The following RAPGEF6 variants were observed in gnomAD, a reference collection of about 807,000 sequenced individuals.
The protein encoded by RAPGEF6 is Rap guanine nucleotide exchange factor 6.
Under a neutral mutation model 171.4 loss-of-function variants are expected in RAPGEF6, and 56 were observed. The ratio of observed to expected loss-of-function variants is 0.33; its 90% CI spans 0.26 to 0.41. RAPGEF6 has a LOEUF of 0.41. Ranked by LOEUF, RAPGEF6 falls within the 10% of genes least tolerant of loss-of-function variation. RAPGEF6 has a pLI of 1.00. For missense variants in RAPGEF6, 1,674 were observed against 1,921.4 expected (o/e 0.87, Z 2.41); for synonymous variants, 692 against 650.1 (o/e 1.06, Z -0.98).
intron 6 of RAPGEF6, chr5:131,532,138 C>T (rs770719663): frequency 2.2e-6 from 1 of 453,196 alleles, no homozygotes; most frequent in South Asian, 1.6e-5. Flanking sequence ...GGCATAACAG[C>T]GAACAAGAAA....
intron 7 of RAPGEF6, among the ~76,000 whole-genome samples, chr5:131,517,172 CT>C (rs1758142928): frequency 6.6e-6 from 1 of 152,150 alleles, no homozygotes; most frequent in Admixed American, 6.5e-5. Flanking sequence ...ATTATGCTCA[CT>C]ATCTGGGTGA....
At chr5:131,485,668 C>A (rs1193225191) in intron 15 of RAPGEF6, among the ~76,000 whole-genome samples, 1 of 152,096 alleles carries the variant, frequency 6.6e-6, no homozygotes, top group Non-Finnish European at 1.5e-5. Context: ...TATTCTTCTG[C>A]GAATTGCCTG....
chr5:131,529,472 T>A (rs1759216195), intron 6 of RAPGEF6, among the ~76,000 whole-genome samples: 2 of 50,976 alleles, frequency 3.9e-5, no homozygotes, highest in African/African-American at 1.9e-4. Context: ...CGAGACTCTG[T>A]CAAAAAAAAA....
chr5:131,453,892 T>C (rs1753290900), intron 20 of RAPGEF6, among the ~76,000 whole-genome samples: 1 of 152,178 alleles, frequency 6.6e-6, no homozygotes, highest in Admixed American at 6.5e-5. Context: ...CAGAAAAACA[T>C]ATCTGAAGCC....
chr5:131,466,280 T>C (rs1754335506), intron 17 of RAPGEF6, among the ~76,000 whole-genome samples: 1 of 151,844 alleles, frequency 6.6e-6, no homozygotes, highest in Admixed American at 6.6e-5. Context: ...TCAAACTCTC[T>C]TTCCTCAATG....
At chr5:131,603,379 G>A in intron 2 of RAPGEF6, 52 bp from the exon 3 acceptor site, 1 of 1,241,022 alleles carries the variant, frequency 8.1e-7, no homozygotes. Context: ...TTTTAAAATT[G>A]TTATAATTTG....
chr5:131,483,348 C>CAAAAA (rs10637299), intron 15 of RAPGEF6, among the ~76,000 whole-genome samples: 2 of 121,956 alleles, frequency 1.6e-5, no homozygotes, highest in Non-Finnish European at 1.7e-5. Flanking sequence ...GACTCTGTCT[C>CAAAAA]AAAAAAAAAA....
Position 131,536,552 on chromosome 5 carries a change from C to T in RAPGEF6, c.495+11495G>A, listed in dbSNP as rs565763692. On this transcript the variant is annotated intron_variant, in intron 6 of 27. Coordinates refer to ENST00000509018, the MANE Select transcript of RAPGEF6 (RefSeq NM_016340.6). ...CATTTTTGTTGAAAATCTGTCACAG[C>T]CACCAGCTGGACACACATGCACTAT... Among the ~76,000 whole-genome samples, 7 of 152,198 alleles carry T rather than the reference C, an allele frequency of 4.6e-5. No individual in the cohort carries two copies. In the South Asian group the frequency reaches 1.5e-3, roughly 32 times the overall value.
In RAPGEF6 at chr5:131,633,500, C is replaced by G. The variant is rs143788157; in HGVS notation, c.69+1462G>C. 3.1e-3 allele frequency among the ~76,000 whole-genome samples: 476 copies of G among 152,194 alleles called. 2 individuals are homozygous for G. The highest frequency in any genetic ancestry group is 0.011 in the African/African-American group (451 of 41,544). On this transcript the variant is annotated intron_variant, in intron 1 of 27. Coordinates refer to ENST00000509018, the MANE Select transcript of RAPGEF6 (RefSeq NM_016340.6). ...ATTCCAGCACTTTGGGAGGCCAACGCGGGCAGATCACTTGAGGTCATGAGT... is the reference window on the plus strand; with the variant it reads ...ATTCCAGCACTTTGGGAGGCCAACGGGGGCAGATCACTTGAGGTCATGAGT...
chr5:131,571,801 T>A (rs1351686632), intron 4 of RAPGEF6, among the ~76,000 whole-genome samples: 1 of 152,166 alleles, frequency 6.6e-6, no homozygotes, highest in African/African-American at 2.4e-5. Context: ...TCCATACTGG[T>A]AAGTCCTCTG....
chr5:131,504,613 T>C lies in RAPGEF6; in HGVS notation c.1254+13A>G. The C allele has an allele frequency of 6.4e-7, 1 of 1,559,712 alleles. No homozygotes were observed. Among genetic ancestry groups the C allele is most frequent in the Non-Finnish European group, 8.6e-7 (1 of 1,159,276 alleles). ...TAAAATCAGTGACTAGAAAAATAAG[T>C]AAAAACACCCACCTTGATCACAATG... On this transcript the variant is annotated intron_variant, in intron 11 of 27. Coordinates refer to ENST00000509018, the MANE Select transcript of RAPGEF6 (RefSeq NM_016340.6).
chr5:131,594,217 T>C (rs75835193), intron 3 of RAPGEF6, among the ~76,000 whole-genome samples: 3,486 of 152,350 alleles, frequency 0.023, 66 homozygotes, highest in Middle Eastern at 0.14. Flanking sequence ...GCTGTTCTCA[T>C]GATAGTGAGC....
intron 11 of RAPGEF6, among the ~76,000 whole-genome samples, chr5:131,503,282 G>C (rs1018485607): frequency 5.3e-5 from 8 of 152,316 alleles, no homozygotes; most frequent in African/African-American, 1.9e-4. Context: ...CAAATGCAGT[G>C]AAAATATTAA....
intron 15 of RAPGEF6, among the ~76,000 whole-genome samples, chr5:131,483,595 A>T (rs778765255): frequency 1.1e-4 from 16 of 152,306 alleles, no homozygotes; most frequent in Non-Finnish European, 2.1e-4. Flanking sequence ...AATAAAACTG[A>T]CTACATAAAA....
intron 4 of RAPGEF6, among the ~76,000 whole-genome samples, chr5:131,583,830 A>G (rs1429059657): frequency 1.3e-5 from 2 of 152,208 alleles, no homozygotes; most frequent in African/African-American, 2.4e-5. Context: ...TCCTGTTAAC[A>G]TCCATGAGAG....
At chr5:131,515,804 A>C (rs1014811235) in intron 7 of RAPGEF6, among the ~76,000 whole-genome samples, 4 of 152,320 alleles carry the variant, frequency 2.6e-5, no homozygotes, top group African/African-American at 9.6e-5. Context: ...AATAACGTAC[A>C]TATGTGATGG....
At position 131,481,768 on chromosome 5, in the gene RAPGEF6, G is replaced by T. The variant is rs116196295; in HGVS notation, c.1841-2015C>A. 3.4e-3 allele frequency among the ~76,000 whole-genome samples: 511 copies of T among 152,292 alleles called. 4 individuals are homozygous for T. The highest frequency in any genetic ancestry group is 0.012 in the African/African-American group (498 of 41,566). On this transcript the variant is annotated intron_variant, in intron 15 of 27. Coordinates refer to ENST00000509018, the MANE Select transcript of RAPGEF6 (RefSeq NM_016340.6). ...AAGTCTGAATTACAGAGAAACAGTG[G>T]TTGCATATTCTTAGAATAGACTTAA...
At chr5:131,461,148 T>C (rs1278218426) in intron 19 of RAPGEF6, among the ~76,000 whole-genome samples, 1 of 152,230 alleles carries the variant, frequency 6.6e-6, no homozygotes, top group Non-Finnish European at 1.5e-5. Context: ...GGCTTATGAA[T>C]GTCAAAACAT....
intron 4 of RAPGEF6, among the ~76,000 whole-genome samples, chr5:131,574,320 G>T (rs921898074): frequency 3.3e-5 from 5 of 152,142 alleles, no homozygotes; most frequent in Non-Finnish European, 7.4e-5. Flanking sequence ...CCAGATCTTG[G>T]CTTAGCGGCT....
Sources: gnomAD v4.1 joint callset for allele counts (sites outside exome capture counted in the v4.1 genomes callset) on GRCh38, gnomAD v4.1.1 for gene constraint, MANE v1.5 for transcripts, NCBI Gene and HGNC (gene_info 2026-07-23, HGNC 2026-07-21) for gene names.